Variants in TG observed in about 807,000 individuals in gnomAD.
TG encodes the protein thyroid hormones.
TG carries 270 observed loss-of-function variants against 324.7 expected under a neutral mutation model. That is an observed-to-expected ratio of 0.83 (90% CI 0.75 to 0.92). TG has a LOEUF of 0.92. TG is among the 40% of genes least tolerant of loss of function. TG has a pLI of 0.00. For missense variants in TG, 3,591 were observed against 3,456.4 expected, an observed-to-expected ratio of 1.04 and a Z score of -0.98; for synonymous variants, 1,401 against 1,327.0, an observed-to-expected ratio of 1.06 and a Z score of -1.21.
intron 41 of TG, among the ~76,000 whole-genome samples, chr8:133,094,461 C>T (rs939459305): frequency 2.6e-5 from 4 of 151,958 alleles, no homozygotes; most frequent in African/African-American, 7.3e-5. Context: ...AGGATGGTCT[C>T]GATCTCCTGA....
At chr8:133,038,942 A>G (rs779821047) in intron 41 of TG, among the ~76,000 whole-genome samples, 22 of 152,112 alleles carry the variant, frequency 1.4e-4, no homozygotes, top group Non-Finnish European at 2.1e-4. Flanking sequence ...CAGTGGTGCA[A>G]TCTCTGCTCA....
intron 41 of TG, among the ~76,000 whole-genome samples, chr8:133,032,488 C>A (rs924125262): frequency 1.4e-4 from 22 of 152,024 alleles, no homozygotes; most frequent in African/African-American, 5.1e-4. Flanking sequence ...TGGGGAATTT[C>A]AAATACTAAT....
intron 43 of TG, among the ~76,000 whole-genome samples, chr8:133,108,318 G>A (rs1849996303): frequency 1.3e-5 from 2 of 152,008 alleles, no homozygotes; most frequent in South Asian, 4.1e-4. Flanking sequence ...CAGGGGTTTG[G>A]AAAAAGGGTT....
At chr8:132,969,682 C>G (rs1829195072) in intron 32 of TG, 113 bp downstream of exon 32, 9 of 794,258 alleles carry the variant, frequency 1.1e-5, no homozygotes, top group East Asian at 2.6e-5. Flanking sequence ...GGAGGCCGAG[C>G]TGGGCTGATC....
intron 41 of TG, chr8:133,050,050 T>C: frequency 9.5e-7 from 1 of 1,048,410 alleles, no homozygotes; most frequent in South Asian, 1.3e-5. Flanking sequence ...AAAGGATGAA[T>C]GAACAGAGTA....
chr8:133,020,872 T>C (rs1304620815), intron 39 of TG, among the ~76,000 whole-genome samples: 1 of 152,170 alleles, frequency 6.6e-6, no homozygotes, highest in African/African-American at 2.4e-5. Flanking sequence ...CCTCAGGCAG[T>C]GTTTGCTCAC....
At chr8:133,050,855 G>C in intron 41 of TG, 1 of 1,613,296 alleles carries the variant, frequency 6.2e-7, no homozygotes. Context: ...GCGGAATATC[G>C]GGGGGCTGAT....
At chr8:132,935,008 A>G (rs1401053735) in intron 24 of TG, among the ~76,000 whole-genome samples, 1 of 152,006 alleles carries the variant, frequency 6.6e-6, no homozygotes, top group East Asian at 1.9e-4. Context: ...CTCCCCTCTC[A>G]TAACTGACAG....
chr8:132,923,871 TC>T (rs1333676846), intron 22 of TG, among the ~76,000 whole-genome samples: 1 of 152,102 alleles, frequency 6.6e-6, no homozygotes, highest in African/African-American at 2.4e-5. Context: ...CAGCATTTCT[TC>T]CTCAGTAGGA....
intron 35 of TG, among the ~76,000 whole-genome samples, chr8:132,990,158 T>TTATATATATATATATATATA (rs10536232): frequency 1.4e-5 from 2 of 141,700 alleles, no homozygotes; most frequent in Non-Finnish European, 1.5e-5. Flanking sequence ...AGCTATACAA[T>TTATATATATATATATATATA]TATATATATA....
At chr8:132,951,510 C>T (rs1826094773) in intron 27 of TG, among the ~76,000 whole-genome samples, 2 of 152,326 alleles carry the variant, frequency 1.3e-5, no homozygotes, top group South Asian at 4.1e-4. Flanking sequence ...CAACCCAGAG[C>T]ATGTGCTTGA....
In TG at chr8:133,022,002, G is replaced by T; in HGVS notation, c.6888G>T (p.Ala2296=). The T allele has an allele frequency of 6.2e-7, 1 of 1,614,144 alleles. No homozygotes were observed. The highest frequency in any genetic ancestry group is 8.5e-7 in the Non-Finnish European group (1 of 1,180,030). Reference sequence around the variant, plus strand: ...TCCAATACCCACAGGCCCCTAACGCGTCTGTGCTGGTGTTCTTCCACAACA... The same window carrying T: ...TCCAATACCCACAGGCCCCTAACGCTTCTGTGCTGGTGTTCTTCCACAACA... ...VFIPQNVAPN[A]SVLVFFHNTM... The change falls in exon 40 of 48, where the codon GCG becomes GCT. Residue 2296 remains alanine, a synonymous_variant. Transcript: ENST00000220616.
intron 35 of TG, among the ~76,000 whole-genome samples, chr8:132,996,591 A>G (rs1028018528): frequency 3.9e-5 from 6 of 152,188 alleles, no homozygotes; most frequent in African/African-American, 1.4e-4. Flanking sequence ...AAACTAAAGC[A>G]CAGTTTTTGA....
chr8:133,065,650 T>C (rs1038202772), intron 41 of TG, among the ~76,000 whole-genome samples: 10 of 151,940 alleles, frequency 6.6e-5, no homozygotes. Flanking sequence ...TAATCCCAAC[T>C]ACTCAGGAGG....
At chr8:133,041,107 A>G (rs1216290891) in intron 41 of TG, among the ~76,000 whole-genome samples, 1 of 152,226 alleles carries the variant, frequency 6.6e-6, no homozygotes. Context: ...AGTCTTACTC[A>G]GGCTGAAAAC....
chr8:133,039,177 C>T (rs1464070316), intron 41 of TG, among the ~76,000 whole-genome samples: 1 of 152,184 alleles, frequency 6.6e-6, no homozygotes, highest in Non-Finnish European at 1.5e-5. Context: ...CCGCGCCTGG[C>T]CCTAACTTAC....
chr8:132,900,946 A>G (rs1817831974), intron 15 of TG, among the ~76,000 whole-genome samples: 1 of 152,110 alleles, frequency 6.6e-6, no homozygotes, highest in South Asian at 2.1e-4. Flanking sequence ...GCCACCTGCA[A>G]TATGTCCGTC....
At chr8:133,122,046 G>T (rs1378571624) in intron 45 of TG, among the ~76,000 whole-genome samples, 2 of 152,026 alleles carry the variant, frequency 1.3e-5, no homozygotes, top group South Asian at 2.1e-4. Context: ...ATATATGTGT[G>T]TTACATTTTC....
chr8:132,879,339 A>T (rs760134447), intron 5 of TG, among the ~76,000 whole-genome samples: 1 of 152,128 alleles, frequency 6.6e-6, no homozygotes, highest in Non-Finnish European at 1.5e-5. Flanking sequence ...CGAGCACTGG[A>T]AATGGACTTG....
Sources: gnomAD v4.1 joint callset for allele counts (sites outside exome capture counted in the v4.1 genomes callset) on GRCh38, gnomAD v4.1.1 for gene constraint, MANE v1.5 for transcripts, NCBI Gene and HGNC (gene_info 2026-07-23, HGNC 2026-07-21) for gene names.